Variants in ZNF366 observed in about 807,000 individuals in gnomAD.
ZNF366 encodes the protein dendritic cell-specific transcript protein.
In ZNF366, 20 loss-of-function variants were observed where a neutral mutation model predicts 47.2. The ratio of observed to expected loss-of-function variants is 0.42; its 90% CI spans 0.30 to 0.62. The LOEUF is 0.62. Among genes scored for constraint, ZNF366 ranks in the 20% least tolerant of loss-of-function variants. The pLI, the probability that ZNF366 is intolerant of heterozygous loss-of-function variation, is 0.16. For missense variants in ZNF366, 987 were observed against 976.3 expected (o/e 1.01, Z -0.15); for synonymous variants, 421 against 395.1 (o/e 1.07, Z -0.78).
rs1742904081 is a variant in ZNF366 at position 72,443,860 on chromosome 5, C to T, written c.2131G>A (p.Gly711Ser). Residue 711 changes from glycine to serine, a missense_variant, in exon 5 of 5, where the codon GGC (glycine) becomes AGC (serine). By Grantham distance (56) the Gly-to-Ser change is moderately conservative. Around this residue, in one of 3 missense-constraint regions of ZNF366, gnomAD observed 285 missense variants for 234.8 expected, o/e 1.21. Transcript: ENST00000318442. ...SLRAFQSTRR[G>S]PSFSDYLYFK... ...TATAAGTAATCAGAAAAAGAGGGGC[C>T]CCGCCGGGTACTCTGAAAAGCCCTG... The T allele has an allele frequency of 3.7e-6, 6 of 1,614,026 alleles. No homozygotes were observed. The highest frequency in any genetic ancestry group is 1.3e-5 in the African/African-American group (1 of 74,902).
chr5:72,462,543 C>CTTTT (rs1561194910), intron 1 of ZNF366, among the ~76,000 whole-genome samples: 4 of 82,496 alleles, frequency 4.8e-5, no homozygotes, highest in African/African-American at 2.7e-4. Context: ...TTCTTTCTTT[C>CTTTT]TTTCTTTTTT....
chr5:72,504,033 CCA>C (rs1744267403), intron 1 of ZNF366, among the ~76,000 whole-genome samples: 1 of 151,920 alleles, frequency 6.6e-6, no homozygotes, highest in Admixed American at 6.6e-5. Context: ...CAATCAGGCA[CCA>C]CACACACACA....
chr5:72,487,846 G>C (rs1483731052), intron 1 of ZNF366, among the ~76,000 whole-genome samples: 1 of 152,196 alleles, frequency 6.6e-6, no homozygotes, highest in Non-Finnish European at 1.5e-5. Flanking sequence ...ACCTGTGGCA[G>C]ACTGCTTAGG....
chr5:72,488,549 C>T (rs2112349615), intron 1 of ZNF366, among the ~76,000 whole-genome samples: 1 of 152,250 alleles, frequency 6.6e-6, no homozygotes, highest in Admixed American at 6.5e-5. Context: ...AAAAATCTAG[C>T]ATGTGTTCAA....
intron 1 of ZNF366, among the ~76,000 whole-genome samples, chr5:72,465,115 A>C (rs2112332256): frequency 6.6e-6 from 1 of 152,322 alleles, no homozygotes; most frequent in East Asian, 1.9e-4. Flanking sequence ...TTTTACAGAC[A>C]TTTAAAACAG....
chr5:72,443,935 C>G lies in ZNF366; in HGVS notation c.2056G>C (p.Glu686Gln), dbSNP rs1742906246. The G allele has an allele frequency of 1.9e-6, 3 of 1,614,210 alleles. No homozygotes were observed. Among genetic ancestry groups the G allele is most frequent in the Non-Finnish European group, 2.5e-6 (3 of 1,180,022 alleles). ...EKRSKGDLGA[E>Q]GGQERDCAGR... Reference sequence around the variant, plus strand: ...GCACAGTCTCTCTCCTGGCCGCCCTCTGCCCCAAGGTCACCCTTGCTCCTC... The same window carrying G: ...GCACAGTCTCTCTCCTGGCCGCCCTGTGCCCCAAGGTCACCCTTGCTCCTC... Residue 686 changes from glutamate (E) to glutamine (Q), a missense_variant, in exon 5 of 5, where the codon GAG (glutamate) becomes CAG (glutamine). Glu to Gln is a conservative substitution (Grantham distance 29, BLOSUM62 2). This residue lies in a region of ZNF366 where 285 missense variants were observed against 234.8 expected (regional missense o/e 1.21). Transcript: ENST00000318442.
intron 1 of ZNF366, among the ~76,000 whole-genome samples, chr5:72,466,422 G>A (rs896623224): frequency 6.6e-6 from 1 of 152,158 alleles, no homozygotes; most frequent in Non-Finnish European, 1.5e-5. Flanking sequence ...ACATTGCCCC[G>A]AATCTAACAT....
At chr5:72,487,720 A>T (rs1397244860) in intron 1 of ZNF366, among the ~76,000 whole-genome samples, 1 of 152,212 alleles carries the variant, frequency 6.6e-6, no homozygotes, top group South Asian at 2.1e-4. Flanking sequence ...TCAAGTTCCT[A>T]GGTGTGGTGG....
intron 2 of ZNF366, among the ~76,000 whole-genome samples, chr5:72,459,851 C>T (rs556685514): frequency 3.9e-5 from 6 of 152,264 alleles, no homozygotes; most frequent in African/African-American, 7.2e-5. Flanking sequence ...TTCTAGAAAC[C>T]GAATCTGCAA....
chr5:72,462,306 T>C (rs1345097109), intron 1 of ZNF366, among the ~76,000 whole-genome samples: 2 of 152,190 alleles, frequency 1.3e-5, no homozygotes, highest in East Asian at 1.9e-4. Context: ...TCCTTTATTA[T>C]GTGAAATAAA....
At position 72,446,604 on chromosome 5, in the gene ZNF366, G is replaced by A. The variant is rs936861836; in HGVS notation, c.1699+639C>T. On this transcript the variant is annotated intron_variant, in intron 4 of 4. Transcript: ENST00000318442. Reference sequence around the variant, plus strand: ...GTTCAGTGAGGATTCAGTGGGGGAGGTGTAAACCCCTGCTCTGCATATGGG... The same window carrying A: ...GTTCAGTGAGGATTCAGTGGGGGAGATGTAAACCCCTGCTCTGCATATGGG... Among the ~76,000 whole-genome samples the A allele has an allele frequency of 1.2e-4, 19 of 152,286 alleles. 1 individual carries two copies. The East Asian group carries it at 3.7e-3, about 29-fold the overall frequency.
At chr5:72,495,827 C>T (rs1744102112) in intron 1 of ZNF366, among the ~76,000 whole-genome samples, 1 of 152,144 alleles carries the variant, frequency 6.6e-6, no homozygotes, top group South Asian at 2.1e-4. Flanking sequence ...GGGTCTCAAC[C>T]ACCCCACCCC....
At chr5:72,462,543 C>CTT (rs1561194910) in intron 1 of ZNF366, among the ~76,000 whole-genome samples, 1 of 82,468 alleles carries the variant, frequency 1.2e-5, no homozygotes, top group Non-Finnish European at 2.2e-5. Flanking sequence ...TTCTTTCTTT[C>CTT]TTTCTTTTTT....
Position 72,442,578 on chromosome 5 carries a change from A to T in ZNF366, c.*1178T>A, listed in dbSNP as rs1428664456. On this transcript the variant is annotated 3_prime_UTR_variant, in exon 5 of 5. Transcript: ENST00000318442. ...CTTAGATTTCTGGGAGAATTCTCTG[A>T]GGTCACCCCCCCAGCTCTAGCTCTG... 1 of 150,928 alleles carries T rather than the reference A, an allele frequency of 6.6e-6. No individual in the cohort carries two copies. The highest frequency in any genetic ancestry group is 2.4e-5 in the African/African-American group (1 of 40,932). The allele number at this position is 150,928 out of a possible 1,614,324, so 9.3% of individuals were successfully genotyped here. A position where few individuals can be genotyped will look rare whatever the true frequency, so the allele number is the denominator to read the frequency against.
At chr5:72,471,018 C>T (rs1436105030) in intron 1 of ZNF366, among the ~76,000 whole-genome samples, 7 of 152,234 alleles carry the variant, frequency 4.6e-5, no homozygotes, top group East Asian at 1.9e-4. Context: ...CAATGAGTCT[C>T]TCAGTGAGTA....
chr5:72,461,503 C>T lies in ZNF366; in HGVS notation c.-7G>A, dbSNP rs1743313223. 6 of 1,531,072 alleles carry T rather than the reference C, an allele frequency of 3.9e-6. No homozygotes were observed. Among genetic ancestry groups the T allele is most frequent in the Non-Finnish European group, 4.4e-6 (5 of 1,141,544 alleles). 94.8% of individuals were successfully genotyped at this position (1,531,072 alleles called of 1,614,324 possible). A position where few individuals can be genotyped will look rare whatever the true frequency, so the allele number is the denominator to read the frequency against. Reference sequence around the variant, plus strand: ...TCTTCATTTCCTTCTGCATCCTTGGCAATTTTCCTTTAAAGAGAAAGAAAC... The same window carrying T: ...TCTTCATTTCCTTCTGCATCCTTGGTAATTTTCCTTTAAAGAGAAAGAAAC... On this transcript the variant is annotated 5_prime_UTR_variant, in exon 2 of 5. Coordinates refer to ENST00000318442, the MANE Select transcript of ZNF366 (RefSeq NM_152625.3).
At chr5:72,475,868 C>G (rs1038413842) in intron 1 of ZNF366, among the ~76,000 whole-genome samples, 2 of 152,044 alleles carry the variant, frequency 1.3e-5, no homozygotes, top group African/African-American at 4.8e-5. Flanking sequence ...AATCTGGCCT[C>G]GGGGAACACG....
chr5:72,454,254 C>A (rs143867415), intron 3 of ZNF366, among the ~76,000 whole-genome samples: 1 of 152,162 alleles, frequency 6.6e-6, no homozygotes, highest in Non-Finnish European at 1.5e-5. Flanking sequence ...AAGGAGCCAT[C>A]GTTCATGAAA....
rs772928354 is a variant in ZNF366, at chr5:72,443,992, TCTC to T, written c.1996_1998del (p.Glu666del). 2 of 1,613,972 alleles carry T rather than the reference TCTC, an allele frequency of 1.2e-6. No homozygotes were observed. The highest frequency in any genetic ancestry group is 2.7e-5 in the African/African-American group (2 of 74,912). On this transcript the variant is annotated inframe_deletion, in exon 5 of 5. Transcript: ENST00000318442. ...CATTCTCCCTTGGATGCATCCTCCT[TCTC>T]CTCCTTGCAGGCTTCCTCCAGCACC... is the stretch of plus-strand genomic sequence containing the variant.
Sources: allele counts gnomAD v4.1 joint callset (sites outside exome capture counted in the v4.1 genomes callset), GRCh38; gene constraint gnomAD v4.1.1; regional missense constraint gnomAD v4.1.1; transcripts MANE v1.5; gene names NCBI Gene and HGNC (gene_info 2026-07-23, HGNC 2026-07-21).